LRRTM4: variants seen among roughly 807,000 people sequenced by gnomAD.
The protein encoded by LRRTM4 is leucine rich repeat transmembrane neuronal 4, also known as leucine-rich repeat transmembrane neuronal protein 4.
A neutral mutation model predicts 47.6 loss-of-function variants in LRRTM4; 25 were observed. The observed-to-expected ratio is 0.53, with a 90% CI of 0.38 to 0.73. LRRTM4 has a LOEUF of 0.73. LRRTM4 is among the 30% of genes least tolerant of loss of function. LRRTM4 has a pLI of 0.00. For missense variants in LRRTM4, 638 were observed against 713.4 expected, an observed-to-expected ratio of 0.89 and a Z score of 1.20; for synonymous variants, 311 against 269.5, an observed-to-expected ratio of 1.15 and a Z score of -1.51.
rs1050356212 is a variant in LRRTM4 at position 76,785,467 on chromosome 2, G to A, written c.1552-36551C>T. 1.1e-4 allele frequency among the ~76,000 whole-genome samples: 16 copies of A among 152,246 alleles called. No individual in the cohort carries two copies. In the East Asian group the frequency reaches 2.5e-3, roughly 24 times the overall value. On this transcript the variant is annotated intron_variant, in intron 3 of 3. Transcript: ENST00000409884. ...ATGAGAGTGAATTTTAGTTGAGATA[G>A]AAAAGCAGATCATATGGGTACGTCA... is the stretch of plus-strand genomic sequence containing the variant.
chr2:77,298,332 G>A (rs1488092154), intron 3 of LRRTM4, among the ~76,000 whole-genome samples: 6 of 152,130 alleles, frequency 3.9e-5, no homozygotes, highest in Non-Finnish European at 5.9e-5. Context: ...CGTCTCCCGG[G>A]TTCACGCCAT....
chr2:76,807,386 A>ATG (rs1670518730), intron 3 of LRRTM4, among the ~76,000 whole-genome samples: 3 of 126,486 alleles, frequency 2.4e-5, no homozygotes, highest in African/African-American at 3.6e-5. Context: ...TTCATTTTAT[A>ATG]TATATATATA....
intron 3 of LRRTM4, among the ~76,000 whole-genome samples, chr2:77,400,048 T>C (rs947165492): frequency 6.6e-6 from 1 of 151,810 alleles, no homozygotes; most frequent in Admixed American, 6.6e-5. Context: ...TAATGCCATC[T>C]GACGCTCCCC....
At chr2:76,759,133 G>A (rs1233111253) in intron 3 of LRRTM4, among the ~76,000 whole-genome samples, 2 of 152,068 alleles carry the variant, frequency 1.3e-5, no homozygotes, top group South Asian at 4.1e-4. Flanking sequence ...GGTATATAAA[G>A]AAGAATAAAG....
intron 3 of LRRTM4, among the ~76,000 whole-genome samples, chr2:77,223,239 C>A (rs1427048456): frequency 6.6e-6 from 1 of 152,126 alleles, no homozygotes; most frequent in Non-Finnish European, 1.5e-5. Context: ...ATGACAAACC[C>A]ACAGCCAGTA....
At chr2:77,507,693 G>A (rs986066701) in intron 3 of LRRTM4, among the ~76,000 whole-genome samples, 11 of 151,854 alleles carry the variant, frequency 7.2e-5, no homozygotes, top group Non-Finnish European at 1.5e-4. Context: ...ACGCCCCAAA[G>A]GTGAGAGGAA....
At chr2:77,048,662 G>GT (rs1382152079) in intron 3 of LRRTM4, among the ~76,000 whole-genome samples, 1 of 151,786 alleles carries the variant, frequency 6.6e-6, no homozygotes, top group African/African-American at 2.4e-5. Context: ...ATAACTATAT[G>GT]TTTTTTATGG....
At chr2:77,317,124 T>A (rs1384419974) in intron 3 of LRRTM4, among the ~76,000 whole-genome samples, 1 of 150,546 alleles carries the variant, frequency 6.6e-6, no homozygotes, top group Non-Finnish European at 1.5e-5. Context: ...GAGACAATCT[T>A]CATGATAAAA....
Position 77,251,905 on chromosome 2 carries a change from G to C in LRRTM4, c.1551+266413C>G, listed in dbSNP as rs563312296. 7.9e-4 allele frequency among the ~76,000 whole-genome samples: 120 copies of C among 152,266 alleles called. 2 individuals are homozygous for C. Among genetic ancestry groups the C allele is most frequent in the African/African-American group, 2.8e-3 (117 of 41,560 alleles). On this transcript the variant is annotated intron_variant, in intron 3 of 3. Transcript: ENST00000409884. ...ATTTGGGTGGGTGGTGGTGATCACA[G>C]GTTGAGAATTCCCAGGATTGGATTT...
intron 3 of LRRTM4, among the ~76,000 whole-genome samples, chr2:77,405,262 T>C (rs1674136930): frequency 6.6e-6 from 1 of 152,084 alleles, no homozygotes; most frequent in Non-Finnish European, 1.5e-5. Flanking sequence ...TGGCTGCCCT[T>C]CTGGGAATTA....
intron 3 of LRRTM4, among the ~76,000 whole-genome samples, chr2:76,792,275 TC>T (rs1675015147): frequency 6.6e-6 from 1 of 152,138 alleles, no homozygotes; most frequent in Non-Finnish European, 1.5e-5. Flanking sequence ...AAAAAAACCT[TC>T]ACTGTTTAAG....
At chr2:76,992,745 G>A (rs1677053230) in intron 3 of LRRTM4, among the ~76,000 whole-genome samples, 1 of 150,134 alleles carries the variant, frequency 6.7e-6, no homozygotes, top group Non-Finnish European at 1.5e-5. Context: ...AAATATCGGT[G>A]TCATTTTTTA....
At chr2:77,517,524 G>C in intron 3 of LRRTM4, 1 of 985,016 alleles carries the variant, frequency 1.0e-6, no homozygotes, top group Non-Finnish European at 1.2e-6. Context: ...CAGGGACAAA[G>C]CCAAAGCATG....
At chr2:77,323,007 C>T (rs914407737) in intron 3 of LRRTM4, among the ~76,000 whole-genome samples, 2 of 151,868 alleles carry the variant, frequency 1.3e-5, no homozygotes, top group African/African-American at 4.8e-5. Context: ...CATTTATTGT[C>T]TCTCAATAGG....
intron 3 of LRRTM4, among the ~76,000 whole-genome samples, chr2:77,019,075 G>T (rs1205755315): frequency 1.3e-5 from 2 of 151,880 alleles, no homozygotes; most frequent in Non-Finnish European, 2.9e-5. Context: ...GCCCCAATCT[G>T]CTGTACACTT....
At chr2:76,802,642 A>G (rs1485644791) in intron 3 of LRRTM4, among the ~76,000 whole-genome samples, 1 of 152,108 alleles carries the variant, frequency 6.6e-6, no homozygotes, top group South Asian at 2.1e-4. Flanking sequence ...AGAAGATCCC[A>G]AAGATCCAAA....
chr2:77,196,806 A>G (rs1300389272), intron 3 of LRRTM4, among the ~76,000 whole-genome samples: 1 of 152,178 alleles, frequency 6.6e-6, no homozygotes, highest in African/African-American at 2.4e-5. Flanking sequence ...TTTAAAAGGA[A>G]ATAATTGTGT....
intron 3 of LRRTM4, among the ~76,000 whole-genome samples, chr2:77,124,562 G>C (rs1360751760): frequency 6.6e-6 from 1 of 152,008 alleles, no homozygotes; most frequent in Non-Finnish European, 1.5e-5. Flanking sequence ...GATGTCTCTT[G>C]GTATCAAAGT....
At chr2:77,218,714 G>A (rs981930534) in intron 3 of LRRTM4, among the ~76,000 whole-genome samples, 4 of 152,058 alleles carry the variant, frequency 2.6e-5, no homozygotes, top group Non-Finnish European at 5.9e-5. Flanking sequence ...TAGTCTTGAG[G>A]TATCTAATGC....
Sources: allele counts gnomAD v4.1 joint callset (sites outside exome capture counted in the v4.1 genomes callset), GRCh38; gene constraint gnomAD v4.1.1; transcripts MANE v1.5; gene names NCBI Gene and HGNC (gene_info 2026-07-23, HGNC 2026-07-21).